ZNF565: variants seen among roughly 807,000 people sequenced by gnomAD.
ZNF565 encodes zinc finger protein 565.
Under a neutral mutation model 39.4 loss-of-function variants are expected in ZNF565, and 27 were observed. The ratio of observed to expected loss-of-function variants is 0.69; its 90% confidence interval spans 0.51 to 0.95. ZNF565 has a LOEUF of 0.95. Ranked by LOEUF, ZNF565 falls within the 40% of genes least tolerant of loss-of-function variation. The pLI, the probability that ZNF565 is intolerant of heterozygous loss-of-function variation, is 0.00. For synonymous variants in ZNF565, 185 were observed against 216.6 expected, an observed-to-expected ratio of 0.85 and a Z score of 1.28; for missense variants, 524 against 621.1, an observed-to-expected ratio of 0.84 and a Z score of 1.66.
At chr19:36,209,086 C>T (rs565859917) in intron 1 of ZNF565, among the ~76,000 whole-genome samples, 23 of 152,120 alleles carry the variant, frequency 1.5e-4, no homozygotes, top group Non-Finnish European at 1.9e-4. Context: ...CCCACCTCGA[C>T]CTCCCAAAGT....
At chr19:36,236,384 C>G in intron 1 of ZNF565, 2 of 1,534,844 alleles carry the variant, frequency 1.3e-6, no homozygotes, top group Non-Finnish European at 1.7e-6. Context: ...AATCCTCACT[C>G]ATCAAGAAAT....
At chr19:36,200,686 A>C (rs1975928296) in intron 2 of ZNF565, among the ~76,000 whole-genome samples, 1 of 151,184 alleles carries the variant, frequency 6.6e-6, no homozygotes, top group South Asian at 2.1e-4. Context: ...ACGGGGTTTC[A>C]CCATGTTGGC....
At chr19:36,204,183 C>G (rs140318906) in intron 1 of ZNF565, among the ~76,000 whole-genome samples, 126 of 152,174 alleles carry the variant, frequency 8.3e-4, no homozygotes, top group Admixed American at 2.2e-3. Context: ...CTCCTGAGCT[C>G]AACTGATCTG....
intron 1 of ZNF565, among the ~76,000 whole-genome samples, chr19:36,220,956 G>A (rs10425166): frequency 0.26 from 39,436 of 151,190 alleles, 5,568 homozygotes; most frequent in African/African-American, 0.38. Context: ...CAGTTCCAGC[G>A]ATTCTCCTGC....
intron 1 of ZNF565, among the ~76,000 whole-genome samples, chr19:36,229,512 T>C (rs1299005931): frequency 6.6e-6 from 1 of 152,182 alleles, no homozygotes; most frequent in African/African-American, 2.4e-5. Context: ...TCCTGCAGTT[T>C]TTTTGCAAAG....
rs886640824 is a variant in ZNF565, at chr19:36,240,689, C to CA, written c.55+4786dup. 1.6e-4 allele frequency among the ~76,000 whole-genome samples: 24 copies of CA among 151,954 alleles called. No homozygotes were observed. In the East Asian group the frequency reaches 4.1e-3, roughly 26 times the overall value. ...TTCAATACCAGCCTGGCCAACATGG[C>CA]AAAACCCCGTCTCTACTAAAATTAC... is the stretch of plus-strand genomic sequence containing the variant. On this transcript the variant is annotated intron_variant, in intron 1 of 4. Transcript: ENST00000355114.
At chr19:36,187,553 G>A (rs1429622128) in intron 4 of ZNF565, among the ~76,000 whole-genome samples, 1 of 151,716 alleles carries the variant, frequency 6.6e-6, no homozygotes, top group Non-Finnish European at 1.5e-5. Flanking sequence ...GGTAGAGATG[G>A]GGTTTCACTG....
chr19:36,207,037 G>A (rs991885791), intron 1 of ZNF565, among the ~76,000 whole-genome samples: 1 of 152,098 alleles, frequency 6.6e-6, no homozygotes, highest in African/African-American at 2.4e-5. Flanking sequence ...CAATTGCAAG[G>A]GTCTGAAGGC....
chr19:36,183,696 G>A lies in ZNF565; in HGVS notation c.270C>T (p.Asp90=). The change falls in exon 5 of 5, where the codon GAC becomes GAT. Residue 90 remains aspartate, a synonymous_variant. Coordinates refer to ENST00000304116, the MANE Select transcript of ZNF565 (RefSeq NM_152477.5). ...ESRCEKFLQK[D]IFEIGAFNWE... is the part of the protein sequence containing the mutation. ...AGTTGAATGCCCCGATTTCAAAAAT[G>A]TCTTTTTGTAGAAATTTCTCACACC... is the stretch of plus-strand genomic sequence containing the variant. 3.7e-6 allele frequency: 6 copies of A among 1,612,464 alleles called. No individual in the cohort carries two copies. The highest frequency in any genetic ancestry group is 5.1e-6 in the Non-Finnish European group (6 of 1,179,032).
intron 1 of ZNF565, among the ~76,000 whole-genome samples, chr19:36,211,440 A>AAC (rs1976351857): frequency 8.9e-6 from 1 of 112,542 alleles, no homozygotes; most frequent in East Asian, 2.5e-4. Flanking sequence ...GCCAAACTCC[A>AAC]ACTCTCTCTC....
chr19:36,221,736 GT>G lies in ZNF565; in HGVS notation c.56-19687del, dbSNP rs370234883. On this transcript the variant is annotated intron_variant, in intron 1 of 4. Coordinates refer to the ZNF565 transcript ENST00000355114. ...TCTTTGTCTTATGTAAACATGTCTT[GT>G]TTTTTTTTGTTTGCTTCTTGTTTAT... Among the ~76,000 whole-genome samples the G allele has an allele frequency of 4.1e-3, 608 of 150,108 alleles. 7 individuals carry two copies. The highest frequency in any genetic ancestry group is 0.014 in the African/African-American group (588 of 40,976).
chr19:36,225,096 G>T (rs1284824238), intron 1 of ZNF565, among the ~76,000 whole-genome samples: 1 of 152,052 alleles, frequency 6.6e-6, no homozygotes, highest in East Asian at 1.9e-4. Context: ...TTGCTTTTCA[G>T]TGTTTTTACA....
At chr19:36,192,987 T>TG in intron 4 of ZNF565, among the ~76,000 whole-genome samples, 1 of 149,334 alleles carries the variant, frequency 6.7e-6, no homozygotes, top group Admixed American at 6.7e-5. Flanking sequence ...CAGCTAAGTT[T>TG]TTTGTTTGTT....
Position 36,208,451 on chromosome 19 carries a change from C to A in ZNF565, c.-66+6171G>T, listed in dbSNP as rs140882519. ...CTGGCCTTAAATGATCCTCCCACTT[C>A]AGCCTCCTAAAATGCTGGGATTGCA... On this transcript the variant is annotated intron_variant, in intron 1 of 4. Transcript: ENST00000304116. Among the ~76,000 whole-genome samples, 980 of 152,264 alleles carry A rather than the reference C, an allele frequency of 6.4e-3. 37 individuals carry two copies. Among genetic ancestry groups the A allele is most frequent in the Admixed American group, 0.054 (823 of 15,266 alleles).
rs1221281535 is a variant in ZNF565, at chr19:36,195,049, A to G, written c.117T>C (p.Phe39=). 2 of 1,614,014 alleles carry G rather than the reference A, an allele frequency of 1.2e-6. No homozygotes were observed. The highest frequency in any genetic ancestry group is 1.7e-5 in the Admixed American group (1 of 59,966). ...CCTTACCTAGTGAGGCCAAGTGACC[A>G]AAGTTCTCCAGAGTCACCTCCCTGT... ...DLYREVTLEN[F]GHLASLGLSI... is the part of the protein sequence containing the mutation. The change falls in exon 3 of 5, where the codon TTT becomes TTC. Residue 39 remains phenylalanine (F), a synonymous_variant. Transcript: ENST00000304116.
rs922130313 is a variant in ZNF565 at position 36,214,609 on chromosome 19, C to T, written c.-66+13G>A. The T allele has an allele frequency of 6.5e-6, 1 of 152,860 alleles. No homozygotes were observed. The highest frequency in any genetic ancestry group is 2.4e-5 in the African/African-American group (1 of 41,458). 9.5% of individuals were successfully genotyped at this position (152,860 alleles called of 1,614,324 possible). A position where few individuals can be genotyped will look rare whatever the true frequency, so the allele number is the denominator to read the frequency against. ...CACGCCCCGGCCCCGCCCAGGACTC[C>T]CAGACCCCTCACCTTCTGCCTCCCC... On this transcript the variant is annotated intron_variant, in intron 1 of 4. Coordinates refer to ENST00000304116, the MANE Select transcript of ZNF565 (RefSeq NM_152477.5).
At chr19:36,216,036 T>C (rs143136980), upstream of ZNF565, among the ~76,000 whole-genome samples, 42 of 152,244 alleles carry the variant, frequency 2.8e-4, no homozygotes, top group African/African-American at 7.7e-4. Flanking sequence ...TCTAAGGAAA[T>C]CACCCCGCCC....
intron 1 of ZNF565, chr19:36,238,532 A>G (rs956002109): frequency 6.0e-6 from 1 of 167,096 alleles, no homozygotes; most frequent in African/African-American, 2.4e-5. Context: ...GTATAGGGAT[A>G]TCTTGTCTTA....
At chr19:36,189,981 C>T (rs1420212546) in intron 4 of ZNF565, among the ~76,000 whole-genome samples, 1 of 151,710 alleles carries the variant, frequency 6.6e-6, no homozygotes, top group Non-Finnish European at 1.5e-5. Context: ...TTACAGGCAC[C>T]TGCCACCACA....
Sources: allele counts gnomAD v4.1 joint callset (sites outside exome capture counted in the v4.1 genomes callset), GRCh38; gene constraint gnomAD v4.1.1; transcripts MANE v1.5; gene names NCBI Gene and HGNC (gene_info 2026-07-23, HGNC 2026-07-21).